The following FAM174A variants were observed in gnomAD, a reference collection of about 807,000 sequenced individuals.
FAM174A encodes the protein membrane protein FAM174A.
FAM174A carries 14 observed loss-of-function variants against 14.3 expected under a neutral mutation model. The ratio of observed to expected loss-of-function variants is 0.98; its 90% confidence interval spans 0.65 to 1.53. The LOEUF (loss-of-function observed/expected upper bound fraction) is 1.53, where lower values mean the gene tolerates loss of function less well. FAM174A is among the 40% of genes most tolerant of loss of function. The probability of loss-of-function intolerance (pLI) is 0.00; values close to 1 mark genes in which losing one functional copy is unlikely to be tolerated. For synonymous variants in FAM174A, 108 were observed against 111.4 expected, an observed-to-expected ratio of 0.97 and a Z score of 0.19; for missense variants, 241 against 249.6, an observed-to-expected ratio of 0.97 and a Z score of 0.23.
chr5:100,566,228 T>C (rs913451735), intron 2 of FAM174A, among the ~76,000 whole-genome samples: 1 of 143,038 alleles, frequency 7.0e-6, no homozygotes, highest in Admixed American at 7.1e-5. Context: ...TATTCAGCCT[T>C]AAAAAAAAGA....
At chr5:100,541,742 T>C (rs1007482876) in intron 1 of FAM174A, among the ~76,000 whole-genome samples, 5 of 152,128 alleles carry the variant, frequency 3.3e-5, no homozygotes, top group Non-Finnish European at 7.4e-5. Flanking sequence ...TTCTCTCTTA[T>C]GCTTTTTGTA....
Position 100,545,729 on chromosome 5 carries a change from T to C in FAM174A, c.434+9765T>C, listed in dbSNP as rs370903010. On this transcript the variant is annotated intron_variant, in intron 1 of 2. Coordinates refer to ENST00000312637, the MANE Select transcript of FAM174A (RefSeq NM_198507.3). ...TTTTCCATGCATGCCTTTATTCCTC[T>C]AGTTAATATGATAGTTTTAGTTTTA... Among the ~76,000 whole-genome samples the C allele has an allele frequency of 1.3e-4, 20 of 152,292 alleles. No individual in the cohort carries two copies. In the East Asian group the frequency reaches 2.7e-3, roughly 21 times the overall value.
At chr5:100,575,755 G>A (rs1228563007) in intron 2 of FAM174A, among the ~76,000 whole-genome samples, 1 of 152,140 alleles carries the variant, frequency 6.6e-6, no homozygotes, top group South Asian at 2.1e-4. Flanking sequence ...GGAACCTACA[G>A]AATGGGAGAA....
intron 2 of FAM174A, among the ~76,000 whole-genome samples, chr5:100,577,241 A>C (rs907681809): frequency 6.6e-6 from 1 of 152,110 alleles, no homozygotes; most frequent in African/African-American, 2.4e-5. Context: ...TTTTAAAATC[A>C]TTTAAATAAT....
At chr5:100,544,908 A>G (rs1172420727) in intron 1 of FAM174A, among the ~76,000 whole-genome samples, 1 of 152,252 alleles carries the variant, frequency 6.6e-6, no homozygotes, top group Non-Finnish European at 1.5e-5. Flanking sequence ...TTTGAACATT[A>G]CTATCAACTG....
chr5:100,547,257 T>C (rs187063381), intron 1 of FAM174A, among the ~76,000 whole-genome samples: 27 of 152,262 alleles, frequency 1.8e-4, no homozygotes, highest in African/African-American at 6.5e-4. Flanking sequence ...GAGTAGTTTT[T>C]CTGAGGACTA....
rs147249430 is a variant in FAM174A at position 100,540,175 on chromosome 5, T to C, written c.434+4211T>C. Among the ~76,000 whole-genome samples, 14 of 152,330 alleles carry C rather than the reference T, an allele frequency of 9.2e-5. No homozygotes were observed. The East Asian group carries it at 2.7e-3, about 29-fold the overall frequency. ...ACTTAAGAATATGAGTTGTTTTCTT[T>C]TTCTCCTAGAAGTCTTGTGGTACCA... is the stretch of plus-strand genomic sequence containing the variant. On this transcript the variant is annotated intron_variant, in intron 1 of 2. Transcript: ENST00000312637.
chr5:100,574,257 C>T (rs766645760), intron 2 of FAM174A, among the ~76,000 whole-genome samples: 1 of 152,058 alleles, frequency 6.6e-6, no homozygotes, highest in Non-Finnish European at 1.5e-5. Flanking sequence ...GGCACTATCT[C>T]GGCTCACTGC....
At chr5:100,581,341 T>A in intron 2 of FAM174A, 1 of 983,532 alleles carries the variant, frequency 1.0e-6, no homozygotes. Context: ...TCTCCACTTT[T>A]TTCAGACTGC....
intron 2 of FAM174A, among the ~76,000 whole-genome samples, chr5:100,576,986 C>T (rs1746917992): frequency 6.6e-6 from 1 of 152,062 alleles, no homozygotes; most frequent in Non-Finnish European, 1.5e-5. Context: ...TTTCTCGAAG[C>T]AAAATGGAGA....
chr5:100,550,527 C>A (rs1746241983), intron 1 of FAM174A, among the ~76,000 whole-genome samples: 1 of 152,108 alleles, frequency 6.6e-6, no homozygotes, highest in Admixed American at 6.6e-5. Context: ...CAGGCATCAA[C>A]TTTATGACAG....
intron 1 of FAM174A, among the ~76,000 whole-genome samples, chr5:100,556,959 A>G (rs780564546): frequency 2.0e-5 from 3 of 152,050 alleles, no homozygotes; most frequent in Non-Finnish European, 2.9e-5. Flanking sequence ...GATTGCCCTG[A>G]CCAGAACTTC....
intron 1 of FAM174A, among the ~76,000 whole-genome samples, chr5:100,544,689 A>G (rs1214094780): frequency 1.3e-5 from 2 of 152,092 alleles, no homozygotes; most frequent in African/African-American, 4.8e-5. Flanking sequence ...TAACAGGTGT[A>G]TATTTGCATG....
At chr5:100,552,199 A>G (rs1233114874) in intron 1 of FAM174A, among the ~76,000 whole-genome samples, 3 of 152,222 alleles carry the variant, frequency 2.0e-5, no homozygotes, top group Non-Finnish European at 2.9e-5. Flanking sequence ...ATAGACAACT[A>G]CAATTGTGGT....
At chr5:100,571,615 C>T (rs1370376593) in intron 2 of FAM174A, among the ~76,000 whole-genome samples, 1 of 144,062 alleles carries the variant, frequency 6.9e-6, no homozygotes, top group Non-Finnish European at 1.5e-5. Flanking sequence ...TTCTATATTC[C>T]AGTATATAAA....
At chr5:100,545,963 G>A (rs942398797) in intron 1 of FAM174A, among the ~76,000 whole-genome samples, 2 of 152,116 alleles carry the variant, frequency 1.3e-5, no homozygotes, top group Non-Finnish European at 2.9e-5. Flanking sequence ...TATTTGATAA[G>A]TGTTATTTCA....
intron 2 of FAM174A, among the ~76,000 whole-genome samples, chr5:100,566,141 G>GATAGATAGATATATATAT (rs558236562): frequency 4.2e-4 from 34 of 81,802 alleles, no homozygotes; most frequent in African/African-American, 5.8e-4. Flanking sequence ...TGAAAAGTAT[G>GATAGATAGATATATATAT]ATATATATAT....
At chr5:100,557,751 G>A (rs1561317208) in intron 1 of FAM174A, among the ~76,000 whole-genome samples, 1 of 152,020 alleles carries the variant, frequency 6.6e-6, no homozygotes, top group Non-Finnish European at 1.5e-5. Context: ...TTATCTGATG[G>A]TAGTTTGTAT....
At position 100,572,195 on chromosome 5, in the gene FAM174A, T is replaced by C. The variant is rs543094876; in HGVS notation, c.569+10007T>C. ...TGTAATTAAATGTAGTAAAGTTGAT[T>C]CAAGTAAAGGTTTTTTTTTCTTTTT... is the stretch of plus-strand genomic sequence containing the variant. On this transcript the variant is annotated intron_variant, in intron 2 of 2. Transcript: ENST00000312637. 6.3e-5 allele frequency among the ~76,000 whole-genome samples: 9 copies of C among 142,524 alleles called. No individual in the cohort carries two copies. The South Asian group carries it at 2.0e-3, about 31-fold the overall frequency. The allele number at this position is 142,524 out of a possible 152,430, so 93.5% of individuals were successfully genotyped here.
Sources: gnomAD v4.1 joint callset for allele counts (sites outside exome capture counted in the v4.1 genomes callset) on GRCh38, gnomAD v4.1.1 for gene constraint, MANE v1.5 for transcripts, NCBI Gene and HGNC (gene_info 2026-07-23, HGNC 2026-07-21) for gene names.